Variants in KDM1B observed in about 807,000 individuals in gnomAD.
The protein encoded by KDM1B is lysine demethylase 1B.
A neutral mutation model predicts 107.4 loss-of-function variants in KDM1B; 63 were observed. The observed-to-expected ratio is 0.59, with a 90% CI of 0.48 to 0.72. KDM1B has a LOEUF of 0.72. Ranked by LOEUF, KDM1B falls within the 30% of genes least tolerant of loss-of-function variation. The pLI, the probability that KDM1B is intolerant of heterozygous loss-of-function variation, is 0.00. For missense variants in KDM1B, 749 were observed against 1,020.8 expected, an observed-to-expected ratio of 0.73 and a Z score of 3.63; for synonymous variants, 363 against 363.9, an observed-to-expected ratio of 1.00 and a Z score of 0.03.
chr6:18,204,314 T>C lies in KDM1B; in HGVS notation c.1532-1223T>C, dbSNP rs1269211274. 6.6e-6 allele frequency among the ~76,000 whole-genome samples: 1 copy of C among 151,872 alleles called. No individual in the cohort carries two copies. The highest frequency in any genetic ancestry group is 6.6e-5 in the Admixed American group (1 of 15,246). On this transcript the variant is annotated intron_variant, in intron 14 of 21. Transcript: ENST00000650836. This position sits in a 1 kb window ranked among gnomAD's most constrained non-coding sequence, Gnocchi z 4.9. ...AGCCTGGGCAACATGGTGAAACCCA[T>C]CTCTACTAAAAATTCAAAAATTAGC...
rs1026529917 is a variant in KDM1B, at chr6:18,191,042, C to T, written c.785-155C>T. On this transcript the variant is annotated intron_variant, in intron 9 of 21. Coordinates refer to ENST00000650836, the MANE Select transcript of KDM1B (RefSeq NM_001364614.2). The surrounding 1 kb of genome is among the most constrained non-coding windows in gnomAD (Gnocchi z 5.1). ...ATGAGAAAAATACTTAATTTATGTA[C>T]GTTTTGTCTAACTGGGTGGAGGAAG... Among the ~76,000 whole-genome samples, 11 of 151,990 alleles carry T rather than the reference C, an allele frequency of 7.2e-5. No homozygotes were observed. The highest frequency in any genetic ancestry group is 2.1e-4 in the South Asian group (1 of 4,836).
At chr6:18,187,001 T>A (rs973829058) in intron 8 of KDM1B, among the ~76,000 whole-genome samples, 34 of 98,458 alleles carry the variant, frequency 3.5e-4, no homozygotes, top group Admixed American at 2.7e-3. Flanking sequence ...CACACACACA[T>A]TTTTTTTCCA....
rs558296316 is a variant in KDM1B at position 18,155,631 on chromosome 6, C to G, written c.-58+60C>G. 6.6e-6 allele frequency: 1 copy of G among 152,590 alleles called. No individual in the cohort carries two copies. Among genetic ancestry groups the G allele is most frequent in the East Asian group, 1.9e-4 (1 of 5,160 alleles). 9.5% of individuals were successfully genotyped at this position (152,590 alleles called of 1,614,324 possible). ...GGCCGTGGCGGATTTCGGGTGACAG[C>G]GTTGCACAAAGCAGCTTGGTTGGGG... is the stretch of plus-strand genomic sequence containing the variant. On this transcript the variant is annotated intron_variant, in intron 1 of 21. Coordinates refer to ENST00000650836, the MANE Select transcript of KDM1B (RefSeq NM_001364614.2). This position sits in a 1 kb window ranked among gnomAD's most constrained non-coding sequence, Gnocchi z 6.2.
chr6:18,174,693 T>C lies in KDM1B; in HGVS notation c.534+3214T>C, dbSNP rs185244216. On this transcript the variant is annotated intron_variant, in intron 7 of 21. Transcript: ENST00000650836. Reference sequence around the variant, plus strand: ...GTCCTCATAGCTTAGCTTCCACATATCAGTGAGAACATATGGTGTTTGGTT... The same window carrying C: ...GTCCTCATAGCTTAGCTTCCACATACCAGTGAGAACATATGGTGTTTGGTT... Among the ~76,000 whole-genome samples, 382 of 152,208 alleles carry C rather than the reference T, an allele frequency of 2.5e-3. 7 individuals are homozygous for C. Among genetic ancestry groups the C allele is most frequent in the Admixed American group, 0.023 (345 of 15,280 alleles).
chr6:18,169,375 C>T (rs1017378976), intron 6 of KDM1B, among the ~76,000 whole-genome samples: 3 of 151,530 alleles, frequency 2.0e-5, no homozygotes, highest in African/African-American at 7.3e-5. Flanking sequence ...GCTGGGATTA[C>T]AGGCACCCGC....
chr6:18,169,234 ATTT>A (rs1177850023), intron 6 of KDM1B, among the ~76,000 whole-genome samples: 3 of 140,318 alleles, frequency 2.1e-5, no homozygotes, highest in African/African-American at 2.7e-5. Context: ...ATATATATAA[ATTT>A]TTTTTTTTTT....
rs9383348 is a variant in KDM1B at position 18,173,511 on chromosome 6, G to C, written c.534+2032G>C. Among the ~76,000 whole-genome samples the C allele has an allele frequency of 6.0e-3, 910 of 152,160 alleles. 7 individuals are homozygous for C. Among genetic ancestry groups the C allele is most frequent in the African/African-American group, 0.02 (820 of 41,526 alleles). On this transcript the variant is annotated intron_variant, in intron 7 of 21. Coordinates refer to ENST00000650836, the MANE Select transcript of KDM1B (RefSeq NM_001364614.2). ...GAGGAATTTTCCATTTTGAAGTGTA[G>C]TTTATTCACTTTTTCATTTATGCTT...
intron 7 of KDM1B, among the ~76,000 whole-genome samples, chr6:18,185,122 A>C (rs1045571005): frequency 6.6e-6 from 1 of 152,166 alleles, no homozygotes; most frequent in African/African-American, 2.4e-5. Flanking sequence ...CTCTCTGGAA[A>C]ATATAACCCA....
At chr6:18,202,838 C>T (rs1003026249) in intron 14 of KDM1B, among the ~76,000 whole-genome samples, 4 of 152,158 alleles carry the variant, frequency 2.6e-5, no homozygotes, top group African/African-American at 4.8e-5. Flanking sequence ...ATGCTGTAAT[C>T]GTCCTTAGTA....
In KDM1B at chr6:18,186,086, T is replaced by G. The variant is rs1786833692; in HGVS notation, c.573+276T>G. Among the ~76,000 whole-genome samples the G allele has an allele frequency of 1.3e-5, 2 of 152,208 alleles. No individual in the cohort carries two copies. The highest frequency in any genetic ancestry group is 4.8e-5 in the African/African-American group (2 of 41,458). On this transcript the variant is annotated intron_variant, in intron 8 of 21. Transcript: ENST00000650836. The surrounding 1 kb of genome is among the most constrained non-coding windows in gnomAD (Gnocchi z 5.6). ...CAGCTCTCCTGCCTTGCTCTAGGGC[T>G]CAGGCTTGCTGTACTTGTTTTTCAA...
intron 21 of KDM1B, 133 bp from the exon 22 acceptor site, chr6:18,221,776 G>GT: frequency 1.4e-6 from 1 of 703,222 alleles, no homozygotes; most frequent in Non-Finnish European, 2.4e-6. Context: ...GTTACGATGG[G>GT]TGAGTGTGAA....
chr6:18,169,416 G>A (rs1336881234), intron 6 of KDM1B, among the ~76,000 whole-genome samples: 2 of 151,760 alleles, frequency 1.3e-5, no homozygotes, highest in African/African-American at 2.4e-5. Flanking sequence ...AGTAGAGATG[G>A]GGTTTCACCA....
intron 8 of KDM1B, 48 bp downstream of exon 8, chr6:18,185,858 G>A (rs1242044734): frequency 6.4e-7 from 1 of 1,553,084 alleles, no homozygotes; most frequent in Non-Finnish European, 8.9e-7. Flanking sequence ...TGCCTTTGAT[G>A]ATAAGTGTTA....
Position 18,197,891 on chromosome 6 carries a change from G to C in KDM1B, c.1221+230G>C, listed in dbSNP as rs1787750791. Among the ~76,000 whole-genome samples the C allele has an allele frequency of 6.6e-6, 1 of 150,626 alleles. No individual in the cohort carries two copies. Among genetic ancestry groups the C allele is most frequent in the South Asian group, 2.1e-4 (1 of 4,778 alleles). On this transcript the variant is annotated intron_variant, in intron 12 of 21. Transcript: ENST00000650836. The surrounding 1 kb of genome is among the most constrained non-coding windows in gnomAD (Gnocchi z 4.5). Reference sequence around the variant, plus strand: ...ATTTTAGACTCTAATGAGCAAGTCAGAAGAAATTCTAACTTGGCATTAAAG... The same window carrying C: ...ATTTTAGACTCTAATGAGCAAGTCACAAGAAATTCTAACTTGGCATTAAAG...
intron 7 of KDM1B, among the ~76,000 whole-genome samples, chr6:18,174,002 T>A (rs9477651): frequency 0.013 from 2,011 of 152,280 alleles, 38 homozygotes; most frequent in African/African-American, 0.046. Context: ...GCCAGGCTGG[T>A]CTCGGACTCC....
intron 7 of KDM1B, among the ~76,000 whole-genome samples, chr6:18,184,968 G>A (rs560906535): frequency 1.6e-4 from 24 of 151,870 alleles, no homozygotes; most frequent in African/African-American, 3.1e-4. Flanking sequence ...AGGCTCAAGC[G>A]ATCCACCTGC....
chr6:18,191,125 C>T lies in KDM1B; in HGVS notation c.785-72C>T, dbSNP rs1787258308. ...TTGTCTAGGCTTACTTTTTGGTTTG[C>T]TTTTGCCCTTTAATTCTTCTGGATT... On this transcript the variant is annotated intron_variant, in intron 9 of 21. Coordinates refer to ENST00000650836, the MANE Select transcript of KDM1B (RefSeq NM_001364614.2). The surrounding 1 kb of genome is among the most constrained non-coding windows in gnomAD (Gnocchi z 5.1). 9 of 1,416,484 alleles carry T rather than the reference C, an allele frequency of 6.4e-6. No homozygotes were observed. The Admixed American group carries it at 6.6e-5, about 10-fold the overall frequency. 87.7% of individuals were successfully genotyped at this position (1,416,484 alleles called of 1,614,324 possible).
At chr6:18,190,838 C>T (rs887833062) in intron 9 of KDM1B, among the ~76,000 whole-genome samples, 3 of 150,404 alleles carry the variant, frequency 2.0e-5, no homozygotes, top group African/African-American at 4.9e-5. Context: ...AGATGGAGGT[C>T]GCAGTAAGCC....
At chr6:18,173,740 A>G (rs1166288999) in intron 7 of KDM1B, among the ~76,000 whole-genome samples, 2 of 152,142 alleles carry the variant, frequency 1.3e-5, no homozygotes, top group Non-Finnish European at 2.9e-5. Flanking sequence ...CGTTTGCTAA[A>G]AAGACTGTAT....
Sources: allele counts gnomAD v4.1 joint callset (sites outside exome capture counted in the v4.1 genomes callset), GRCh38; gene constraint gnomAD v4.1.1; non-coding constraint Gnocchi (gnomAD v3.1); transcripts MANE v1.5; gene names NCBI Gene and HGNC (gene_info 2026-07-23, HGNC 2026-07-21).